The following ALG14 variants were observed in gnomAD, a reference collection of about 807,000 sequenced individuals.
ALG14 encodes the protein ALG14 UDP-N-acetylglucosaminyltransferase subunit, also known as UDP-N-acetylglucosamine transferase subunit ALG14.
Under a neutral mutation model 22.8 loss-of-function variants are expected in ALG14, and 17 were observed. The observed-to-expected ratio is 0.75, with a 90% CI of 0.51 to 1.12. ALG14 has a LOEUF of 1.12. Ranked by LOEUF, ALG14 falls within the 50% of genes most tolerant of loss-of-function variation. The pLI, the probability that ALG14 is intolerant of heterozygous loss-of-function variation, is 0.00. For missense variants in ALG14, 288 were observed against 271.8 expected (o/e 1.06, Z -0.42); for synonymous variants, 89 against 103.7 (o/e 0.86, Z 0.86).
At chr1:95,020,998 T>C (rs958589977) in intron 3 of ALG14, among the ~76,000 whole-genome samples, 7 of 152,204 alleles carry the variant, frequency 4.6e-5, no homozygotes, top group Non-Finnish European at 8.8e-5. Context: ...TGAGAAACTT[T>C]CGCCATTTTC....
rs1310643683 is a variant in ALG14 at position 95,033,053 on chromosome 1, AG to A, written c.289-5794del. Among the ~76,000 whole-genome samples, 4 of 152,184 alleles carry A rather than the reference AG, an allele frequency of 2.6e-5. No individual in the cohort carries two copies. In the East Asian group the frequency reaches 7.7e-4, roughly 29 times the overall value. ...TATGACCTTTGGCCAGGAATTACCT[AG>A]GGGTTCTGATATCTGGAGAAATCCA... On this transcript the variant is annotated intron_variant, in intron 2 of 3. Coordinates refer to ENST00000370205, the MANE Select transcript of ALG14 (RefSeq NM_144988.4).
rs368855559 is a variant in ALG14 at position 94,982,699 on chromosome 1, C to CAAAAAAAAAAAAAAAAAAA, written c.*358_*376dup. 1.0e-4 allele frequency: 8 copies of CAAAAAAAAAAAAAAAAAAA among 79,478 alleles called. 2 individuals are homozygous for CAAAAAAAAAAAAAAAAAAA. Among genetic ancestry groups the CAAAAAAAAAAAAAAAAAAA allele is most frequent in the Non-Finnish European group, 1.8e-4 (8 of 45,682 alleles). 4.9% of individuals were successfully genotyped at this position (79,478 alleles called of 1,614,324 possible). On this transcript the variant is annotated 3_prime_UTR_variant, in exon 4 of 4. Coordinates refer to ENST00000370205, the MANE Select transcript of ALG14 (RefSeq NM_144988.4). ...TTCTTTTACAATGCAGAATACTTTA[C>CAAAAAAAAAAAAAAAAAAA]AAAAAAAAAAAAAAAAAAAAAAAGC...
chr1:95,020,738 C>CAAAA (rs113601264), intron 3 of ALG14, among the ~76,000 whole-genome samples: 20 of 137,666 alleles, frequency 1.5e-4, no homozygotes, highest in African/African-American at 5.0e-4. Flanking sequence ...AACTCCGTCT[C>CAAAA]AAAAAAAAAA....
At chr1:94,992,811 G>T (rs868441601) in intron 3 of ALG14, among the ~76,000 whole-genome samples, 1 of 152,016 alleles carries the variant, frequency 6.6e-6, no homozygotes, top group South Asian at 2.1e-4. Context: ...AGAAGCAAAT[G>T]TAACACAGGG....
rs548334464 is a variant in ALG14, at chr1:95,004,441, C to T, written c.421-21135G>A. On this transcript the variant is annotated intron_variant, in intron 3 of 3. Transcript: ENST00000370205. Reference sequence around the variant, plus strand: ...TTTGCCATTTTGGCCAGGATGGTCTCGAACTCCTGACCTCAGGTGATCTGC... The same window carrying T: ...TTTGCCATTTTGGCCAGGATGGTCTTGAACTCCTGACCTCAGGTGATCTGC... 4.6e-5 allele frequency among the ~76,000 whole-genome samples: 7 copies of T among 151,928 alleles called. No homozygotes were observed. In the South Asian group the frequency reaches 8.3e-4, roughly 18 times the overall value.
chr1:95,026,358 A>G (rs545182402), intron 3 of ALG14, among the ~76,000 whole-genome samples: 8 of 152,344 alleles, frequency 5.3e-5, no homozygotes, highest in Non-Finnish European at 8.8e-5. Context: ...AATGTGAAAC[A>G]TAAGAAATAC....
Position 95,039,022 on chromosome 1 carries a change from A to C in ALG14, c.289-11762T>G, listed in dbSNP as rs1394753979. On this transcript the variant is annotated intron_variant, in intron 2 of 3. Transcript: ENST00000370205. ...CAGGCGTGAGCCACCACGCCCAGCC[A>C]ATACATTATTCTTTGATAAGGTAAA... 2.0e-5 allele frequency among the ~76,000 whole-genome samples: 3 copies of C among 152,208 alleles called. No individual in the cohort carries two copies. In the East Asian group the frequency reaches 5.8e-4, roughly 29 times the overall value.
At chr1:94,983,524 G>A in intron 3 of ALG14, 2 of 548,120 alleles carry the variant, frequency 3.6e-6, no homozygotes, top group Non-Finnish European at 6.5e-6. Flanking sequence ...CTTACCAACT[G>A]TGTGACTCAG....
In ALG14 at chr1:94,986,267, C is replaced by T. The variant is rs74321123; in HGVS notation, c.421-2961G>A. Among the ~76,000 whole-genome samples, 663 of 152,266 alleles carry T rather than the reference C, an allele frequency of 4.4e-3. 3 individuals carry two copies. Among genetic ancestry groups the T allele is most frequent in the African/African-American group, 0.015 (626 of 41,546 alleles). ...CTGTAAGCTCCTTATGGGCAGAGTC[C>T]GCTTCTAGAACAGTGTATACTCTGC... On this transcript the variant is annotated intron_variant, in intron 3 of 3. Coordinates refer to ENST00000370205, the MANE Select transcript of ALG14 (RefSeq NM_144988.4).
intron 1 of ALG14, among the ~76,000 whole-genome samples, chr1:95,069,700 T>C (rs906219125): frequency 2.0e-5 from 3 of 152,156 alleles, no homozygotes; most frequent in African/African-American, 7.2e-5. Context: ...ATGAAGGCCT[T>C]AGAAGCAAAA....
At chr1:94,985,409 C>A (rs1338899150) in intron 3 of ALG14, among the ~76,000 whole-genome samples, 1 of 152,204 alleles carries the variant, frequency 6.6e-6, no homozygotes, top group African/African-American at 2.4e-5. Context: ...ATCAAGACAA[C>A]CAAGAATGAC....
At chr1:95,020,103 G>A (rs541298450) in intron 3 of ALG14, among the ~76,000 whole-genome samples, 3 of 152,010 alleles carry the variant, frequency 2.0e-5, no homozygotes, top group Admixed American at 6.6e-5. Flanking sequence ...CTATAATCCC[G>A]CTACTCAGGA....
chr1:94,995,975 GT>G (rs1401364015), intron 3 of ALG14, among the ~76,000 whole-genome samples: 39 of 152,280 alleles, frequency 2.6e-4, no homozygotes, highest in African/African-American at 9.1e-4. Flanking sequence ...GTTTAGCTGC[GT>G]TACATTAAGA....
intron 3 of ALG14, among the ~76,000 whole-genome samples, chr1:95,011,638 A>G (rs1385487588): frequency 6.6e-6 from 1 of 151,810 alleles, no homozygotes; most frequent in African/African-American, 2.4e-5. Context: ...CGTGGCCTCG[A>G]TCTCCTGACC....
At chr1:95,049,445 G>A (rs914180259) in intron 2 of ALG14, among the ~76,000 whole-genome samples, 3 of 152,082 alleles carry the variant, frequency 2.0e-5, no homozygotes, top group Admixed American at 6.5e-5. Flanking sequence ...TGAGGTGGGA[G>A]AATTGCTTGA....
chr1:95,022,137 T>G (rs1440472238), intron 3 of ALG14, among the ~76,000 whole-genome samples: 1 of 152,076 alleles, frequency 6.6e-6, no homozygotes, highest in Non-Finnish European at 1.5e-5. Context: ...GAAAGAAAAA[T>G]CATTTTCAAG....
intron 3 of ALG14, 26 bp from the exon 4 acceptor site, chr1:94,983,332 TG>T (rs1672548936): frequency 1.3e-6 from 2 of 1,588,148 alleles, no homozygotes; most frequent in African/African-American, 2.7e-5. Flanking sequence ...GAAGGTCAAA[TG>T]AAAATACAGA....
rs201781289 is a variant in ALG14, at chr1:95,027,238, C to T, written c.311G>A (p.Arg104Gln). 55 of 1,614,040 alleles carry T rather than the reference C, an allele frequency of 3.4e-5. No homozygotes were observed. In the East Asian group the frequency reaches 7.6e-4, roughly 22 times the overall value. ...CTGAACCTCCCGGCTTCTTGGAATT[C>T]GGTGAATGTAGTATTTGGTATACTA... The part of the protein sequence containing the change: ...SNMYTKYYIH[R>Q]IPRSREVQQS... The change falls in exon 3 of 4, where the codon CGA (arginine) becomes CAA (glutamine). Residue 104 changes from arginine to glutamine, a missense_variant. Coordinates refer to ENST00000370205, the MANE Select transcript of ALG14 (RefSeq NM_144988.4).
chr1:95,065,090 A>G (rs1461278329), intron 1 of ALG14, 73 bp from the exon 2 acceptor site: 4 of 1,358,340 alleles, frequency 2.9e-6, no homozygotes, highest in South Asian at 1.7e-5. Flanking sequence ...TGTTATACCA[A>G]TATCATGGTT....
Sources: gnomAD v4.1 joint callset for allele counts (sites outside exome capture counted in the v4.1 genomes callset) on GRCh38, gnomAD v4.1.1 for gene constraint, MANE v1.5 for transcripts, NCBI Gene and HGNC (gene_info 2026-07-23, HGNC 2026-07-21) for gene names.